Variants in SRPK2 observed in about 807,000 individuals in gnomAD.
SRPK2 encodes SFRS protein kinase 2.
SRPK2 carries 21 observed loss-of-function variants against 90.8 expected under a neutral mutation model. The ratio of observed to expected loss-of-function variants is 0.23; its 90% CI spans 0.16 to 0.33. SRPK2 has a LOEUF of 0.33. Among genes scored for constraint, SRPK2 ranks in the 10% least tolerant of loss-of-function variants. The probability of loss-of-function intolerance (pLI) is 1.00; values close to 1 mark genes in which losing one functional copy is unlikely to be tolerated. For missense variants in SRPK2, 620 were observed against 869.0 expected, an observed-to-expected ratio of 0.71 and a Z score of 3.60; for synonymous variants, 288 against 311.1, an observed-to-expected ratio of 0.93 and a Z score of 0.78.
chr7:105,292,070 C>T (rs2131052890), intron 2 of SRPK2, among the ~76,000 whole-genome samples: 1 of 152,294 alleles, frequency 6.6e-6, no homozygotes, highest in South Asian at 2.1e-4. Context: ...TTCCATATTT[C>T]CTTCTCTGAA....
At chr7:105,213,457 G>A (rs1476792112) in intron 2 of SRPK2, among the ~76,000 whole-genome samples, 2 of 152,158 alleles carry the variant, frequency 1.3e-5, no homozygotes, top group African/African-American at 4.8e-5. Flanking sequence ...GAGTGCTGGG[G>A]AGAAACTGGG....
intron 7 of SRPK2, among the ~76,000 whole-genome samples, chr7:105,150,687 A>G (rs751865185): frequency 4.6e-5 from 7 of 151,930 alleles, no homozygotes; most frequent in Non-Finnish European, 8.8e-5. Context: ...AAACTGAATA[A>G]TATGTGGAGT....
intron 2 of SRPK2, among the ~76,000 whole-genome samples, chr7:105,382,752 G>A (rs966952172): frequency 3.3e-5 from 5 of 152,128 alleles, no homozygotes; most frequent in African/African-American, 1.2e-4. Context: ...GCTTAGATTT[G>A]AAGAGAGAGT....
At chr7:105,115,087 A>G (rs1799550020), downstream of SRPK2, among the ~76,000 whole-genome samples, 1 of 152,224 alleles carries the variant, frequency 6.6e-6, no homozygotes, top group Non-Finnish European at 1.5e-5. Flanking sequence ...AAATATGCAT[A>G]CAGAAGCTTT....
rs138782859 is a variant in SRPK2 at position 105,367,909 on chromosome 7, C to G, written c.71+20739G>C. ...TGCAGAAAATCTCCAAAAAATTTAC[C>G]AATATATTTATTGAAAAAAATTTCC... On this transcript the variant is annotated intron_variant, in intron 2 of 15. Transcript: ENST00000393651. Among the ~76,000 whole-genome samples the G allele has an allele frequency of 4.3e-3, 659 of 152,042 alleles. 5 individuals are homozygous for G. The highest frequency in any genetic ancestry group is 0.015 in the African/African-American group (628 of 41,458).
intron 2 of SRPK2, among the ~76,000 whole-genome samples, chr7:105,235,264 T>C (rs1235986639): frequency 6.6e-6 from 1 of 152,246 alleles, no homozygotes; most frequent in African/African-American, 2.4e-5. Context: ...TAATGTTTAA[T>C]TCAAGTACAT....
chr7:105,239,741 C>G (rs1164429508), intron 2 of SRPK2, among the ~76,000 whole-genome samples: 1 of 152,112 alleles, frequency 6.6e-6, no homozygotes, highest in African/African-American at 2.4e-5. Flanking sequence ...TATGGAAAAT[C>G]CAAGTCTAGA....
chr7:105,250,834 T>C (rs569154079), intron 2 of SRPK2, among the ~76,000 whole-genome samples: 117 of 152,200 alleles, frequency 7.7e-4, no homozygotes, highest in Non-Finnish European at 1.5e-3. Flanking sequence ...GCTTAACTAC[T>C]ATGATAATCA....
intron 2 of SRPK2, among the ~76,000 whole-genome samples, chr7:105,251,444 T>C (rs2237621): frequency 0.19 from 28,654 of 152,070 alleles, 3,390 homozygotes; most frequent in East Asian, 0.58. Flanking sequence ...GGTCAAGCTA[T>C]GCTCCTGCCT....
chr7:105,388,239 A>G (rs1821867032), intron 2 of SRPK2, among the ~76,000 whole-genome samples: 2 of 151,730 alleles, frequency 1.3e-5, no homozygotes, highest in East Asian at 3.9e-4. Context: ...GGAGCAACGC[A>G]GCCGCTGCAC....
intron 2 of SRPK2, among the ~76,000 whole-genome samples, chr7:105,313,820 C>T (rs1467891186): frequency 6.6e-6 from 1 of 152,026 alleles, no homozygotes; most frequent in Non-Finnish European, 1.5e-5. Context: ...GTGTATATAT[C>T]TTGAACTCCT....
At chr7:105,180,593 T>TA (rs1409930517) in intron 3 of SRPK2, among the ~76,000 whole-genome samples, 5 of 151,884 alleles carry the variant, frequency 3.3e-5, no homozygotes, top group East Asian at 1.9e-4. Flanking sequence ...CTGTCTCTAC[T>TA]AAAAAAATAC....
chr7:105,170,144 C>T (rs576605474), intron 3 of SRPK2, among the ~76,000 whole-genome samples: 3 of 152,236 alleles, frequency 2.0e-5, no homozygotes, highest in South Asian at 2.1e-4. Flanking sequence ...TAGGTGTGTA[C>T]GTTATGCACA....
At chr7:105,159,466 A>AAAACAAAAAC (rs1554428674) in intron 7 of SRPK2, among the ~76,000 whole-genome samples, 2 of 114,230 alleles carry the variant, frequency 1.8e-5, no homozygotes, top group Non-Finnish European at 3.7e-5. Context: ...AAAAAAAAAA[A>AAAACAAAAAC]AAAAAAACCG....
At chr7:105,138,433 A>G (rs1803212860) in intron 11 of SRPK2, among the ~76,000 whole-genome samples, 1 of 152,244 alleles carries the variant, frequency 6.6e-6, no homozygotes, top group Admixed American at 6.5e-5. Flanking sequence ...GTGTTGGATC[A>G]TATCCTAGAT....
At chr7:105,128,937 A>G (rs1423255258) in intron 13 of SRPK2, among the ~76,000 whole-genome samples, 1 of 152,218 alleles carries the variant, frequency 6.6e-6, no homozygotes, top group Non-Finnish European at 1.5e-5. Flanking sequence ...TAGCACCCAC[A>G]TATTCCCAAG....
intron 2 of SRPK2, among the ~76,000 whole-genome samples, chr7:105,322,183 G>A (rs1455804684): frequency 1.3e-5 from 2 of 152,226 alleles, no homozygotes; most frequent in African/African-American, 2.4e-5. Context: ...GGGAGGCCGA[G>A]GCGGACAGAT....
chr7:105,155,230 C>T (rs2237609), intron 7 of SRPK2, among the ~76,000 whole-genome samples: 108,072 of 151,768 alleles, frequency 0.71, 41,598 homozygotes, highest in Non-Finnish European at 0.87. Flanking sequence ...GATACACCCA[C>T]CTCAACCTCC....
At chr7:105,295,362 A>G (rs1043482902) in intron 2 of SRPK2, among the ~76,000 whole-genome samples, 1 of 151,970 alleles carries the variant, frequency 6.6e-6, no homozygotes, top group East Asian at 1.9e-4. Flanking sequence ...TTTTATGTAA[A>G]TTAATATTTC....
Sources: gnomAD v4.1 joint callset for allele counts (sites outside exome capture counted in the v4.1 genomes callset) on GRCh38, gnomAD v4.1.1 for gene constraint, MANE v1.5 for transcripts, NCBI Gene and HGNC (gene_info 2026-07-23, HGNC 2026-07-21) for gene names.